ZBBX: variants seen among roughly 807,000 people sequenced by gnomAD.
ZBBX encodes the protein zinc finger B-box domain containing, also known as zinc finger B-box domain-containing protein 1.
A neutral mutation model predicts 108.5 loss-of-function variants in ZBBX; 101 were observed. The observed-to-expected ratio is 0.93, with a 90% CI of 0.79 to 1.10. The LOEUF is 1.10. Ranked by LOEUF, ZBBX falls within the 50% of genes least tolerant of loss-of-function variation. ZBBX has a pLI of 0.00. For missense variants in ZBBX, 1,009 were observed against 941.4 expected (o/e 1.07, Z -0.94); for synonymous variants, 356 against 323.4 (o/e 1.10, Z -1.08).
At position 167,317,479 on chromosome 3, in the gene ZBBX, T is replaced by G; in HGVS notation, c.1093+9A>C. 6.3e-7 allele frequency: 1 copy of G among 1,583,104 alleles called. No individual in the cohort carries two copies. The highest frequency in any genetic ancestry group is 2.2e-5 in the East Asian group (1 of 44,498). ...CATTTTAAAAATATCTAATCAAGTA[T>G]GAACTAACCATCACTATCTTCATCG... On this transcript the variant is annotated intron_variant, in intron 13 of 21. Coordinates refer to ENST00000675490, the MANE Select transcript of ZBBX (RefSeq NM_001199201.2).
intron 1 of ZBBX, chr3:167,392,681 T>G (rs1324696246): frequency 6.6e-6 from 1 of 151,810 alleles, no homozygotes; most frequent in Admixed American, 6.6e-5. Context: ...GTAGATGAGA[T>G]GCCAGGTGCT....
chr3:167,184,432 C>T, the ZBBX span, among the ~76,000 whole-genome samples: 15 of 152,230 alleles, frequency 9.9e-5, no homozygotes, highest in East Asian at 1.2e-3. Context: ...CAAGCCACCC[C>T]GCTTGGCCTT....
chr3:167,223,099 G>C, the ZBBX span, among the ~76,000 whole-genome samples: 2 of 151,758 alleles, frequency 1.3e-5, no homozygotes, highest in Non-Finnish European at 2.9e-5. Flanking sequence ...TCATAGCCCA[G>C]CAGTAGATCC....
chr3:167,219,785 G>A, the ZBBX span, among the ~76,000 whole-genome samples: 1 of 151,032 alleles, frequency 6.6e-6, no homozygotes, highest in Non-Finnish European at 1.5e-5. Context: ...AAATGAAACT[G>A]GATTTAAAAA....
chr3:167,225,682 C>T, the ZBBX span, among the ~76,000 whole-genome samples: 1 of 151,724 alleles, frequency 6.6e-6, no homozygotes, highest in Non-Finnish European at 1.5e-5. Context: ...ACTACTGCCT[C>T]AGTCAGGACC....
At chr3:167,206,011 A>AT in the ZBBX span, among the ~76,000 whole-genome samples, 5 of 152,038 alleles carry the variant, frequency 3.3e-5, no homozygotes, top group Non-Finnish European at 7.4e-5. Context: ...AACACCTAAA[A>AT]TCTGCTCTCT....
intron 16 of ZBBX, among the ~76,000 whole-genome samples, chr3:167,308,178 C>T (rs964328449): frequency 2.0e-4 from 30 of 152,232 alleles, no homozygotes; most frequent in African/African-American, 7.0e-4. Context: ...CTAAAAGGGA[C>T]ATACATGTGA....
rs905903701 is a variant in ZBBX at position 167,242,611 on chromosome 3, C to A, written c.2287G>T (p.Glu763Ter). ...TGGCTGCTGAAATCTGGGAACTCTT[C>A]TGAGGTTAAGCTGTAAAGCTTTTCT... ...TSEKLYSLTS[E>*]EFPDFSSQSL... Residue 763 changes from glutamate to a stop codon, truncating the protein, a stop_gained, in exon 21 of 22, where the codon GAA becomes TAA. Coordinates refer to ENST00000675490, the MANE Select transcript of ZBBX (RefSeq NM_001199201.2). LOFTEE classifies it high-confidence loss of function. The A allele has an allele frequency of 3.1e-6, 5 of 1,613,212 alleles. No homozygotes were observed. In the African/African-American group the frequency reaches 6.7e-5, roughly 22 times the overall value.
the ZBBX span, among the ~76,000 whole-genome samples, chr3:167,221,117 G>A: frequency 3.3e-5 from 5 of 151,852 alleles, no homozygotes; most frequent in Non-Finnish European, 7.4e-5. Context: ...AATCAATATT[G>A]TTACTATGTT....
chr3:167,186,999 C>G, the ZBBX span, among the ~76,000 whole-genome samples: 27 of 152,072 alleles, frequency 1.8e-4, no homozygotes, highest in Non-Finnish European at 3.8e-4. Context: ...TACTATATTT[C>G]TATACAGGAA....
At chr3:167,324,961 G>A (rs1737096082) in intron 11 of ZBBX, among the ~76,000 whole-genome samples, 3 of 152,034 alleles carry the variant, frequency 2.0e-5, no homozygotes, top group Admixed American at 2.0e-4. Flanking sequence ...TTCAAATCAA[G>A]TCCAGTTTTC....
intron 20 of ZBBX, among the ~76,000 whole-genome samples, chr3:167,269,205 T>C (rs572728207): frequency 2.6e-5 from 4 of 152,330 alleles, no homozygotes; most frequent in African/African-American, 9.6e-5. Flanking sequence ...GCTTATCACC[T>C]TTCTAGTCGA....
chr3:167,182,134 G>C, the ZBBX span, among the ~76,000 whole-genome samples: 7 of 152,156 alleles, frequency 4.6e-5, no homozygotes, highest in East Asian at 1.2e-3. Flanking sequence ...TTTTTTTACA[G>C]TCTTTTTTAG....
intron 20 of ZBBX, among the ~76,000 whole-genome samples, chr3:167,275,746 G>T (rs1386305211): frequency 2.0e-5 from 3 of 152,360 alleles, no homozygotes; most frequent in Admixed American, 2.0e-4. Flanking sequence ...AAACAAAGCA[G>T]CCCAGAAGCT....
chr3:167,401,487 G>C (rs549038400), intron 1 of ZBBX: 31 of 152,272 alleles, frequency 2.0e-4, no homozygotes, highest in Admixed American at 2.0e-3. Flanking sequence ...AGCCCGGAAG[G>C]CTGCTGGTTG....
chr3:167,345,397 ATT>A (rs1462034019), intron 9 of ZBBX, among the ~76,000 whole-genome samples: 3 of 151,956 alleles, frequency 2.0e-5, no homozygotes, highest in African/African-American at 2.4e-5. Flanking sequence ...CATTATTCAT[ATT>A]TAAGAAATAA....
intron 19 of ZBBX, 24 bp from the exon 20 acceptor site, chr3:167,282,519 T>C: frequency 6.3e-7 from 1 of 1,577,334 alleles, no homozygotes; most frequent in Non-Finnish European, 8.6e-7. Context: ...TAAAAAGTTT[T>C]TAAATCAACT....
the ZBBX span, among the ~76,000 whole-genome samples, chr3:167,209,339 C>T: frequency 6.6e-6 from 1 of 151,974 alleles, no homozygotes; most frequent in African/African-American, 2.4e-5. Context: ...TGCTGGTGGC[C>T]ACAGGGGTAC....
At chr3:167,296,740 A>G (rs1335249250) in intron 18 of ZBBX, among the ~76,000 whole-genome samples, 4 of 152,038 alleles carry the variant, frequency 2.6e-5, no homozygotes, top group Non-Finnish European at 5.9e-5. Flanking sequence ...ACACATAAAA[A>G]GAAACATATC....
Sources: gnomAD v4.1 joint callset for allele counts (sites outside exome capture counted in the v4.1 genomes callset) on GRCh38, gnomAD v4.1.1 for gene constraint, MANE v1.5 for transcripts, NCBI Gene and HGNC (gene_info 2026-07-23, HGNC 2026-07-21) for gene names.